KLF13: variants seen among roughly 807,000 people sequenced by gnomAD.
KLF13 encodes Krueppel-like factor 13.
Under a neutral mutation model 16.7 loss-of-function variants are expected in KLF13, and 8 were observed. That is an observed-to-expected ratio of 0.48 (90% CI 0.28 to 0.87). The LOEUF is 0.87. Ranked by LOEUF, KLF13 falls within the 40% of genes least tolerant of loss-of-function variation. The pLI is 0.10. For missense variants in KLF13, 447 were observed against 452.2 expected (o/e 0.99, Z 0.10); for synonymous variants, 245 against 208.4 (o/e 1.18, Z -1.51).
intron 1 of KLF13, among the ~76,000 whole-genome samples, chr15:31,329,641 G>A (rs547632257): frequency 6.6e-6 from 1 of 152,296 alleles, no homozygotes; most frequent in South Asian, 2.1e-4. Flanking sequence ...CTGGAGACCC[G>A]GGCCTCCCGC....
chr15:31,383,055 C>G (rs2039747219), intron 1 of KLF13, among the ~76,000 whole-genome samples: 1 of 152,222 alleles, frequency 6.6e-6, no homozygotes, highest in African/African-American at 2.4e-5. Flanking sequence ...CAGTAAATAT[C>G]AAGATGGCCT....
chr15:31,359,156 C>T (rs945981813), intron 1 of KLF13, among the ~76,000 whole-genome samples: 2 of 152,218 alleles, frequency 1.3e-5, no homozygotes, highest in African/African-American at 4.8e-5. Context: ...GGCCGATATA[C>T]GTCTCCCTAC....
chr15:31,409,142 A>G (rs902555324), downstream of KLF13, among the ~76,000 whole-genome samples: 2 of 152,040 alleles, frequency 1.3e-5, no homozygotes, highest in African/African-American at 4.8e-5. Context: ...AAAATTTGCC[A>G]GGGGTGATGG....
chr15:31,415,276 T>C (rs1411284179), intron 1 of KLF13, among the ~76,000 whole-genome samples: 1 of 152,218 alleles, frequency 6.6e-6, no homozygotes, highest in East Asian at 1.9e-4. Context: ...CAGCCTAAGG[T>C]ATTCCTTTAT....
downstream of KLF13, among the ~76,000 whole-genome samples, chr15:31,409,643 GAC>G (rs1256762619): frequency 6.6e-6 from 1 of 152,082 alleles, no homozygotes; most frequent in African/African-American, 2.4e-5. Flanking sequence ...AGAGAAAAAG[GAC>G]ACGTTACATA....
chr15:31,327,104 A>T lies in KLF13; in HGVS notation c.-109A>T. 7.6e-6 allele frequency: 4 copies of T among 526,702 alleles called. No homozygotes were observed. The highest frequency in any genetic ancestry group is 1.0e-5 in the Non-Finnish European group (4 of 396,676). The allele number at this position is 526,702 out of a possible 1,614,324, so 32.6% of individuals were successfully genotyped here. ...CAGCCCAGCCCAGCCCAGCCCGAGG[A>T]GAGGGCGCGCCGCGCCCCCGCCCCC... On this transcript the variant is annotated 5_prime_UTR_variant, in exon 1 of 2. Transcript: ENST00000307145.
intron 2 of KLF13, among the ~76,000 whole-genome samples, chr15:31,399,117 A>G (rs1162657116): frequency 6.6e-6 from 1 of 151,998 alleles, no homozygotes; most frequent in Admixed American, 6.5e-5. Context: ...AGTTGCAATC[A>G]CCCTCTGAGA....
At position 31,375,085 on chromosome 15, in the gene KLF13, A is replaced by C. The variant is rs1014508307; in HGVS notation, c.*2786A>C. The C allele has an allele frequency of 6.6e-6, 1 of 152,468 alleles. No homozygotes were observed. Among genetic ancestry groups the C allele is most frequent in the African/African-American group, 2.4e-5 (1 of 41,374 alleles). The allele number at this position is 152,468 out of a possible 1,614,324, so 9.4% of individuals were successfully genotyped here. On this transcript the variant is annotated 3_prime_UTR_variant, in exon 2 of 2. Transcript: ENST00000307145. ...TCCTTAGGCCCCGGCCTGGACTGGG[A>C]AATGGGGGTAGGGCACCAGGAGAGA...
chr15:31,327,622 C>A lies in KLF13; in HGVS notation c.410C>A (p.Pro137Gln). 7.4e-7 allele frequency: 1 copy of A among 1,348,752 alleles called. No homozygotes were observed. The highest frequency in any genetic ancestry group is 9.7e-7 in the Non-Finnish European group (1 of 1,034,468). 83.5% of individuals were successfully genotyped at this position (1,348,752 alleles called of 1,614,324 possible). A position where few individuals can be genotyped will look rare whatever the true frequency, so the allele number is the denominator to read the frequency against. The stretch of plus-strand genomic sequence containing the variant: ...GCGGGGCTGGAGCCCGAGCGGGAGC[C>A]GGGGCCCGCGGGGAGCGGCGAGCCC... ...PEAGLEPERE[P>Q]GPAGSGEPGL... Residue 137 changes from proline (P) to glutamine (Q), a missense_variant, in exon 1 of 2, where the codon CCG (proline) becomes CAG (glutamine). Around this residue, in one of 2 missense-constraint regions of KLF13, gnomAD observed 359 missense variants for 282.8 expected, o/e 1.27. Coordinates refer to ENST00000307145, the MANE Select transcript of KLF13 (RefSeq NM_015995.4).
intron 1 of KLF13, among the ~76,000 whole-genome samples, chr15:31,341,315 C>G (rs191631359): frequency 6.6e-6 from 1 of 152,136 alleles, no homozygotes; most frequent in East Asian, 1.9e-4. Context: ...GGGTGAGGCA[C>G]CCAGTAGGAG....
At chr15:31,338,014 G>A (rs2038959097) in intron 1 of KLF13, among the ~76,000 whole-genome samples, 1 of 151,766 alleles carries the variant, frequency 6.6e-6, no homozygotes, top group South Asian at 2.1e-4. Flanking sequence ...CAGGTAGGTG[G>A]TTTTCCTGAA....
At chr15:31,352,554 C>CCT (rs2039233534) in intron 1 of KLF13, among the ~76,000 whole-genome samples, 1 of 152,180 alleles carries the variant, frequency 6.6e-6, no homozygotes. Flanking sequence ...ACTTGGTGTG[C>CCT]CTCTGGCTCC....
At chr15:31,336,701 G>A (rs932787432) in intron 1 of KLF13, among the ~76,000 whole-genome samples, 20 of 152,174 alleles carry the variant, frequency 1.3e-4, no homozygotes, top group African/African-American at 4.1e-4. Flanking sequence ...GAGCGAAGGC[G>A]TATGTGAGTC....
rs1052749332 is a variant in KLF13 at position 31,375,345 on chromosome 15, A to C, written c.*3046A>C. On this transcript the variant is annotated 3_prime_UTR_variant, in exon 2 of 2. Coordinates refer to ENST00000307145, the MANE Select transcript of KLF13 (RefSeq NM_015995.4). ...GGCGGACCCTCCTGAAACAGCCTCC[A>C]TTTTCTTCAAACATGCAGAATGTTT... The C allele has an allele frequency of 6.6e-6, 1 of 152,068 alleles. No individual in the cohort carries two copies. Among genetic ancestry groups the C allele is most frequent in the Non-Finnish European group, 1.5e-5 (1 of 68,002 alleles). The allele number at this position is 152,068 out of a possible 1,614,324, so 9.4% of individuals were successfully genotyped here.
In KLF13 at chr15:31,375,192, C is replaced by A. The variant is rs1009105732; in HGVS notation, c.*2893C>A. 1.3e-5 allele frequency: 2 copies of A among 152,240 alleles called. No homozygotes were observed. The highest frequency in any genetic ancestry group is 4.8e-5 in the African/African-American group (2 of 41,408). 9.4% of individuals were successfully genotyped at this position (152,240 alleles called of 1,614,324 possible). A position where few individuals can be genotyped will look rare whatever the true frequency, so the allele number is the denominator to read the frequency against. ...TCTCGCTTGAAGGGCAGGGAGAAAC[C>A]CATGAATCTCAGGCACGGTTCACAG... On this transcript the variant is annotated 3_prime_UTR_variant, in exon 2 of 2. Coordinates refer to ENST00000307145, the MANE Select transcript of KLF13 (RefSeq NM_015995.4).
chr15:31,381,981 A>T (rs2039733197), downstream of KLF13, among the ~76,000 whole-genome samples: 1 of 152,264 alleles, frequency 6.6e-6, no homozygotes, highest in East Asian at 1.9e-4. Flanking sequence ...CTGTGGAAAG[A>T]AGTCTTTTCC....
At chr15:31,367,425 T>G (rs1470824341) in intron 1 of KLF13, among the ~76,000 whole-genome samples, 1 of 152,200 alleles carries the variant, frequency 6.6e-6, no homozygotes, top group East Asian at 1.9e-4. Flanking sequence ...GGCCAAGAGC[T>G]GTGCTGGTGG....
chr15:31,400,461 A>T (rs1434212508), intron 2 of KLF13, among the ~76,000 whole-genome samples: 2 of 151,978 alleles, frequency 1.3e-5, no homozygotes, highest in African/African-American at 2.4e-5. Context: ...TTAAAAAGTG[A>T]GTCAGCCAGC....
At chr15:31,332,829 T>A (rs2038855774) in intron 1 of KLF13, among the ~76,000 whole-genome samples, 1 of 152,150 alleles carries the variant, frequency 6.6e-6, no homozygotes, top group African/African-American at 2.4e-5. Context: ...CATGTGTAAG[T>A]GTGTGTGTTT....
Sources: gnomAD v4.1 joint callset for allele counts (sites outside exome capture counted in the v4.1 genomes callset) on GRCh38, gnomAD v4.1.1 for gene constraint, gnomAD v4.1.1 regional missense constraint, MANE v1.5 for transcripts, NCBI Gene and HGNC (gene_info 2026-07-23, HGNC 2026-07-21) for gene names.